The following COX7B2 variants were observed in gnomAD, a reference collection of about 807,000 sequenced individuals.
COX7B2 encodes the protein cytochrome c oxidase subunit 7B2, mitochondrial.
For missense variants in COX7B2, 109 were observed against 95.9 expected, an observed-to-expected ratio of 1.14 and a Z score of -0.57; for synonymous variants, 37 against 32.1, an observed-to-expected ratio of 1.15 and a Z score of -0.51.
At chr4:46,780,302 G>A (rs961419435) in intron 2 of COX7B2, among the ~76,000 whole-genome samples, 3 of 152,146 alleles carry the variant, frequency 2.0e-5, no homozygotes, top group African/African-American at 7.2e-5. Flanking sequence ...TGGATCAGAA[G>A]GTCAGGAGAT....
intron 2 of COX7B2, among the ~76,000 whole-genome samples, chr4:46,828,127 C>G (rs934165514): frequency 6.6e-6 from 1 of 151,978 alleles, no homozygotes; most frequent in Non-Finnish European, 1.5e-5. Context: ...AAACATAATG[C>G]AAAATGTAAC....
chr4:46,883,738 C>T (rs1444444371), intron 1 of COX7B2, among the ~76,000 whole-genome samples: 4 of 150,992 alleles, frequency 2.6e-5, no homozygotes, highest in South Asian at 2.1e-4. Flanking sequence ...CCAGCCTGGG[C>T]GACAGAGTGA....
intron 2 of COX7B2, among the ~76,000 whole-genome samples, chr4:46,838,230 ATAGG>A (rs1414315715): frequency 2.0e-5 from 3 of 152,030 alleles, no homozygotes; most frequent in Non-Finnish European, 4.4e-5. Flanking sequence ...ATGCTGCCTC[ATAGG>A]TAGCACTTTA....
At chr4:46,904,319 C>T (rs1472119462) in intron 1 of COX7B2, among the ~76,000 whole-genome samples, 1 of 151,852 alleles carries the variant, frequency 6.6e-6, no homozygotes, top group Non-Finnish European at 1.5e-5. Flanking sequence ...GATTCAACTC[C>T]ATCATATAAA....
At chr4:46,751,595 T>G (rs1378281705) in intron 2 of COX7B2, among the ~76,000 whole-genome samples, 1 of 152,092 alleles carries the variant, frequency 6.6e-6, no homozygotes, top group East Asian at 1.9e-4. Context: ...GCAAGCTATT[T>G]AGCAACCACA....
At chr4:46,852,591 G>C (rs913518407) in intron 1 of COX7B2, among the ~76,000 whole-genome samples, 3 of 149,090 alleles carry the variant, frequency 2.0e-5, no homozygotes, top group Non-Finnish European at 1.5e-5. Flanking sequence ...CACACACACA[G>C]AGCTGATTTT....
At chr4:46,754,727 T>TATATATAC (rs1560355658) in intron 2 of COX7B2, among the ~76,000 whole-genome samples, 9 of 98,842 alleles carry the variant, frequency 9.1e-5, no homozygotes, top group African/African-American at 4.1e-4. Context: ...TGTGTGTGTG[T>TATATATAC]GTATATATAT....
intron 2 of COX7B2, among the ~76,000 whole-genome samples, chr4:46,780,877 CTTCACAAAACGAAGTCATT>C (rs1165806908): frequency 1.3e-5 from 2 of 152,214 alleles, no homozygotes; most frequent in Non-Finnish European, 2.9e-5. Context: ...CACTGCATTA[CTTCACAAAACGAAGTCATT>C]TTCATAAGTC....
intron 1 of COX7B2, among the ~76,000 whole-genome samples, chr4:46,903,649 T>C (rs1375664830): frequency 6.6e-6 from 1 of 152,220 alleles, no homozygotes; most frequent in Non-Finnish European, 1.5e-5. Context: ...TCATTTTTTA[T>C]CTCATACAGT....
At chr4:46,842,895 A>G (rs1342326673) in intron 2 of COX7B2, among the ~76,000 whole-genome samples, 1 of 152,104 alleles carries the variant, frequency 6.6e-6, no homozygotes, top group Non-Finnish European at 1.5e-5. Flanking sequence ...AGCATGATTT[A>G]TAATCCTTTG....
At chr4:46,801,738 T>G (rs531560402) in intron 2 of COX7B2, among the ~76,000 whole-genome samples, 39 of 152,242 alleles carry the variant, frequency 2.6e-4, no homozygotes, top group African/African-American at 8.9e-4. Flanking sequence ...GAAGGGGAAA[T>G]AAATGAAGAC....
chr4:46,906,945 T>G (rs1720428115), intron 1 of COX7B2, among the ~76,000 whole-genome samples: 1 of 152,208 alleles, frequency 6.6e-6, no homozygotes, highest in African/African-American at 2.4e-5. Context: ...AAATCTATAA[T>G]GGCTATGTTA....
chr4:46,751,366 T>C (rs1715365310), intron 2 of COX7B2, among the ~76,000 whole-genome samples: 1 of 152,160 alleles, frequency 6.6e-6, no homozygotes, highest in Non-Finnish European at 1.5e-5. Context: ...ATTTGTTGAA[T>C]GTTTATATGT....
intron 2 of COX7B2, among the ~76,000 whole-genome samples, chr4:46,762,799 G>T (rs1243520172): frequency 6.8e-6 from 1 of 147,862 alleles, no homozygotes; most frequent in African/African-American, 2.5e-5. Context: ...GAAAAAAAGG[G>T]AACAAGGAAA....
At chr4:46,779,143 T>G (rs972811011) in intron 2 of COX7B2, among the ~76,000 whole-genome samples, 34 of 152,314 alleles carry the variant, frequency 2.2e-4, no homozygotes, top group Middle Eastern at 3.4e-3. Flanking sequence ...TATTACATGC[T>G]GAAGACTGTG....
intron 2 of COX7B2, among the ~76,000 whole-genome samples, chr4:46,767,022 C>T (rs1467465534): frequency 6.6e-6 from 1 of 152,180 alleles, no homozygotes; most frequent in Non-Finnish European, 1.5e-5. Context: ...TTAATAACTG[C>T]TTTAACTGTA....
intron 2 of COX7B2, among the ~76,000 whole-genome samples, chr4:46,738,381 A>G (rs897723677): frequency 1.4e-4 from 21 of 152,118 alleles, no homozygotes; most frequent in Non-Finnish European, 2.9e-5. Flanking sequence ...TTCTTGAACC[A>G]GTAAGTCTAT....
intron 2 of COX7B2, among the ~76,000 whole-genome samples, chr4:46,815,003 C>T (rs549505383): frequency 3.3e-5 from 5 of 151,838 alleles, no homozygotes; most frequent in South Asian, 2.1e-4. Flanking sequence ...CAGGCCAACA[C>T]GGCGAAACCC....
intron 2 of COX7B2, among the ~76,000 whole-genome samples, chr4:46,792,816 C>T (rs929299629): frequency 6.6e-6 from 1 of 152,182 alleles, no homozygotes; most frequent in Non-Finnish European, 1.5e-5. Flanking sequence ...TAAATTGACT[C>T]TGGGGTTTCT....
Sources: gnomAD v4.1 joint callset for allele counts (sites outside exome capture counted in the v4.1 genomes callset) on GRCh38, gnomAD v4.1.1 for gene constraint, MANE v1.5 for transcripts, NCBI Gene and HGNC (gene_info 2026-07-23, HGNC 2026-07-21) for gene names.